LRP1B: variants seen among roughly 807,000 people sequenced by gnomAD.
LRP1B encodes the protein low-density lipoprotein receptor-related protein 1B.
In LRP1B, 217 loss-of-function variants were observed where a neutral mutation model predicts 556.6. The observed-to-expected ratio is 0.39, with a 90% CI of 0.35 to 0.44. The LOEUF is 0.44. Ranked by LOEUF, LRP1B falls within the 20% of genes least tolerant of loss-of-function variation. The pLI, the probability that LRP1B is intolerant of heterozygous loss-of-function variation, is 1.00. For synonymous variants in LRP1B, 2,047 were observed against 1,865.8 expected (o/e 1.10, Z -2.50); for missense variants, 5,053 against 5,620.8 (o/e 0.90, Z 3.23).
At chr2:141,779,228 A>G (rs1436378412) in intron 2 of LRP1B, among the ~76,000 whole-genome samples, 3 of 152,236 alleles carry the variant, frequency 2.0e-5, no homozygotes, top group East Asian at 1.9e-4. Context: ...TTGTTTTCTA[A>G]GAATCCTGGT....
chr2:141,314,795 G>GA (rs1203210369), intron 3 of LRP1B, among the ~76,000 whole-genome samples: 529 of 52,250 alleles, frequency 0.01, 3 homozygotes, highest in East Asian at 0.018. Flanking sequence ...CGTCTCAAAA[G>GA]AAAAAAAAAA....
chr2:141,601,995 G>C (rs1687763164), intron 2 of LRP1B, among the ~76,000 whole-genome samples: 1 of 152,052 alleles, frequency 6.6e-6, no homozygotes, highest in Non-Finnish European at 1.5e-5. Context: ...TCTACTCAGA[G>C]TAACAGCCAA....
chr2:141,007,977 C>G (rs1168778689), intron 14 of LRP1B, among the ~76,000 whole-genome samples: 1 of 151,490 alleles, frequency 6.6e-6, no homozygotes, highest in African/African-American at 2.4e-5. Context: ...AATTCCATAT[C>G]TCTCCTCAGA....
Position 140,766,818 on chromosome 2 carries a change from G to T in LRP1B, c.5758+2395C>A, listed in dbSNP as rs569181564. Among the ~76,000 whole-genome samples, 241 of 90,586 alleles carry T rather than the reference G, an allele frequency of 2.7e-3. 1 individual carries two copies. The highest frequency in any genetic ancestry group is 0.011 in the African/African-American group (196 of 17,974). 59.4% of individuals were successfully genotyped at this position (90,586 alleles called of 152,430 possible). Reference sequence around the variant, plus strand: ...TAAATGTAGCTTCCAGGGCATCTTTGTAAAATATATATATATATATATATA... The same window carrying T: ...TAAATGTAGCTTCCAGGGCATCTTTTTAAAATATATATATATATATATATA... On this transcript the variant is annotated intron_variant, in intron 35 of 90. Coordinates refer to ENST00000389484, the MANE Select transcript of LRP1B (RefSeq NM_018557.3).
chr2:140,957,584 T>A (rs1695911812), intron 18 of LRP1B, among the ~76,000 whole-genome samples: 1 of 151,672 alleles, frequency 6.6e-6, no homozygotes, highest in South Asian at 2.1e-4. Flanking sequence ...AATATTTCAA[T>A]ATATAGGTAA....
intron 75 of LRP1B, among the ~76,000 whole-genome samples, chr2:140,355,478 CT>C (rs1216139582): frequency 6.6e-6 from 1 of 151,932 alleles, no homozygotes; most frequent in African/African-American, 2.4e-5. Context: ...CGTGACTACA[CT>C]TTTTCCCCTT....
chr2:140,305,443 T>G (rs1297078034), intron 83 of LRP1B, among the ~76,000 whole-genome samples: 1 of 152,204 alleles, frequency 6.6e-6, no homozygotes, highest in African/African-American at 2.4e-5. Flanking sequence ...TCACTCATGA[T>G]TTGGCTCTCT....
chr2:141,551,390 A>G (rs1224240933), intron 2 of LRP1B, among the ~76,000 whole-genome samples: 1 of 152,056 alleles, frequency 6.6e-6, no homozygotes, highest in South Asian at 2.1e-4. Context: ...GAACGTTGTT[A>G]TTATGAACTA....
chr2:141,628,638 T>C lies in LRP1B; in HGVS notation c.206-148105A>G, dbSNP rs1688788401. ...ATGGGCAGAAGCTATAATAAGTTTCTGTTATAAACAAGTTTCTAATTTTTT... is the reference window on the plus strand; with the variant it reads ...ATGGGCAGAAGCTATAATAAGTTTCCGTTATAAACAAGTTTCTAATTTTTT... On this transcript the variant is annotated intron_variant, in intron 2 of 90. Coordinates refer to ENST00000389484, the MANE Select transcript of LRP1B (RefSeq NM_018557.3). Among the ~76,000 whole-genome samples, 2 of 152,114 alleles carry C rather than the reference T, an allele frequency of 1.3e-5. 1 individual carries two copies. The highest frequency in any genetic ancestry group is 4.1e-4 in the South Asian group (2 of 4,830).
chr2:141,759,982 A>G (rs1336506105), intron 2 of LRP1B, among the ~76,000 whole-genome samples: 1 of 152,094 alleles, frequency 6.6e-6, no homozygotes, highest in African/African-American at 2.4e-5. Context: ...TACAAAAATT[A>G]GCCGGGCGTG....
intron 59 of LRP1B, among the ~76,000 whole-genome samples, chr2:140,478,236 G>T (rs796215142): frequency 3.6e-5 from 5 of 138,158 alleles, no homozygotes; most frequent in Admixed American, 8.0e-5. Flanking sequence ...TGCAGCCTCC[G>T]CCTCCCGGGT....
At chr2:142,002,105 A>G (rs1702673018) in intron 1 of LRP1B, among the ~76,000 whole-genome samples, 1 of 152,154 alleles carries the variant, frequency 6.6e-6, no homozygotes, top group Non-Finnish European at 1.5e-5. Flanking sequence ...GCTTTAGTAA[A>G]ATATCACAAG....
chr2:141,641,902 G>T (rs1447727504), intron 2 of LRP1B, among the ~76,000 whole-genome samples: 1 of 152,014 alleles, frequency 6.6e-6, no homozygotes, highest in Admixed American at 6.6e-5. Context: ...ACTTTGATAT[G>T]AAGCCAGGTT....
chr2:140,546,828 A>G (rs547940081), intron 43 of LRP1B, among the ~76,000 whole-genome samples: 1 of 152,196 alleles, frequency 6.6e-6, no homozygotes, highest in African/African-American at 2.4e-5. Context: ...TTATTTTGAG[A>G]TATGTTCCTT....
chr2:140,313,161 A>G (rs1366321692), intron 83 of LRP1B, among the ~76,000 whole-genome samples: 1 of 151,968 alleles, frequency 6.6e-6, no homozygotes, highest in East Asian at 1.9e-4. Flanking sequence ...TGACTTAATT[A>G]CATATCATAT....
chr2:141,106,674 C>A (rs887919015), intron 7 of LRP1B, among the ~76,000 whole-genome samples: 1 of 152,146 alleles, frequency 6.6e-6, no homozygotes, highest in Admixed American at 6.6e-5. Flanking sequence ...CTCATAAGCT[C>A]TGACTTTAGG....
At chr2:141,229,506 T>A (rs1683379854) in intron 5 of LRP1B, 66 bp from the exon 6 acceptor site, 6 of 1,220,400 alleles carry the variant, frequency 4.9e-6, no homozygotes, top group Non-Finnish European at 7.0e-6. Flanking sequence ...AGTTTTGCCC[T>A]AGTTATTGAA....
chr2:141,622,554 A>G (rs1057141809), intron 2 of LRP1B, among the ~76,000 whole-genome samples: 3 of 152,178 alleles, frequency 2.0e-5, no homozygotes, highest in African/African-American at 7.2e-5. Flanking sequence ...TTGCTATCAC[A>G]TCAGTAAAGT....
At chr2:140,483,061 G>C (rs1688307217) in intron 59 of LRP1B, among the ~76,000 whole-genome samples, 1 of 152,044 alleles carries the variant, frequency 6.6e-6, no homozygotes, top group Admixed American at 6.6e-5. Flanking sequence ...TCACTCAGGG[G>C]AACTAGGCAA....
Sources: allele counts gnomAD v4.1 joint callset (sites outside exome capture counted in the v4.1 genomes callset), GRCh38; gene constraint gnomAD v4.1.1; transcripts MANE v1.5; gene names NCBI Gene and HGNC (gene_info 2026-07-23, HGNC 2026-07-21).